Variants in SRGAP3 observed in about 807,000 individuals in gnomAD.
SRGAP3 encodes SLIT-ROBO Rho GTPase activating protein 3.
Under a neutral mutation model 121.1 loss-of-function variants are expected in SRGAP3, and 39 were observed. The ratio of observed to expected loss-of-function variants is 0.32; its 90% CI spans 0.25 to 0.42. The LOEUF is 0.42. Ranked by LOEUF, SRGAP3 falls within the 10% of genes least tolerant of loss-of-function variation. The pLI is 1.00. For missense variants in SRGAP3, 1,213 were observed against 1,470.6 expected, an observed-to-expected ratio of 0.82 and a Z score of 2.86; for synonymous variants, 601 against 570.0, an observed-to-expected ratio of 1.05 and a Z score of -0.77.
At chr3:9,081,216 C>A (rs1202022837) in intron 3 of SRGAP3, 2 of 456,552 alleles carry the variant, frequency 4.4e-6, no homozygotes, top group South Asian at 1.6e-5. Flanking sequence ...GCTCAGCCCT[C>A]CCCAGTGCTG....
Position 9,284,791 on chromosome 3 carries a change from C to A in SRGAP3, n.442+41219G>T, listed in dbSNP as rs1954738717. On this transcript the variant is annotated intron_variant and non_coding_transcript_variant, in intron 3 of 3. Transcript: ENST00000490889. The stretch of plus-strand genomic sequence containing the variant: ...GAGGCTGCAGTGAGCCAAGATCACA[C>A]CACTGCACTCCAGCCTGGGCAATAG... Among the ~76,000 whole-genome samples the A allele has an allele frequency of 2.7e-5, 4 of 150,156 alleles. 1 individual carries two copies. The East Asian group carries it at 5.8e-4, about 22-fold the overall frequency.
rs994416992 is a variant in SRGAP3 at position 9,249,078 on chromosome 3, T to C, written c.-127A>G. 1.5e-5 allele frequency: 14 copies of C among 912,358 alleles called. No individual in the cohort carries two copies. The highest frequency in any genetic ancestry group is 3.3e-5 in the African/African-American group (2 of 60,762). 56.5% of individuals were successfully genotyped at this position (912,358 alleles called of 1,614,324 possible). A position where few individuals can be genotyped will look rare whatever the true frequency, so the allele number is the denominator to read the frequency against. On this transcript the variant is annotated 5_prime_UTR_variant, in exon 1 of 22. Transcript: ENST00000383836. ...TTCACAGGTTTAGGGACTAATCTCT[T>C]TCACTTGGCTGCAGAGCAGGGAGAA...
chr3:9,089,727 G>C (rs1021924176), intron 3 of SRGAP3, among the ~76,000 whole-genome samples: 2 of 152,210 alleles, frequency 1.3e-5, no homozygotes, highest in African/African-American at 4.8e-5. Context: ...CAGAAGATGA[G>C]ATGTTGGTGG....
At chr3:9,234,042 G>A (rs1024621712) in intron 1 of SRGAP3, among the ~76,000 whole-genome samples, 3 of 152,136 alleles carry the variant, frequency 2.0e-5, no homozygotes, top group Non-Finnish European at 2.9e-5. Context: ...TGCCAAGTAC[G>A]AGATCCAGCA....
intron 18 of SRGAP3, chr3:9,008,172 T>G (rs939285243): frequency 2.6e-5 from 4 of 152,334 alleles, no homozygotes; most frequent in African/African-American, 9.7e-5. Flanking sequence ...CTGTGAACCT[T>G]TACCCTGAGA....
At chr3:9,135,573 C>T (rs1394995501) in intron 1 of SRGAP3, among the ~76,000 whole-genome samples, 1 of 152,176 alleles carries the variant, frequency 6.6e-6, no homozygotes, top group African/African-American at 2.4e-5. Context: ...TTGTCTCTGC[C>T]GGATCTGCAC....
At chr3:9,010,166 G>T in intron 18 of SRGAP3, 142 bp downstream of exon 18, 1 of 999,408 alleles carries the variant, frequency 1.0e-6, no homozygotes, top group Non-Finnish European at 1.5e-6. Context: ...GTTTTTCGGG[G>T]TCTTCGTCTA....
At chr3:9,018,911 T>C (rs1200685100) in intron 14 of SRGAP3, among the ~76,000 whole-genome samples, 1 of 152,210 alleles carries the variant, frequency 6.6e-6, no homozygotes, top group Non-Finnish European at 1.5e-5. Flanking sequence ...TGTGAGCAAA[T>C]ACATAGGCCT....
chr3:9,184,950 C>T (rs748944916), intron 1 of SRGAP3, among the ~76,000 whole-genome samples: 1 of 152,144 alleles, frequency 6.6e-6, no homozygotes, highest in Non-Finnish European at 1.5e-5. Context: ...GTTCCCAAGC[C>T]CTGGGCTGGC....
intron 1 of SRGAP3, among the ~76,000 whole-genome samples, chr3:9,331,332 C>T (rs1955602643): frequency 6.6e-6 from 1 of 152,178 alleles, no homozygotes. Context: ...TATTATTATT[C>T]CTACTTTAAA....
intron 3 of SRGAP3, among the ~76,000 whole-genome samples, chr3:9,307,682 G>C (rs1263674910): frequency 1.3e-5 from 2 of 152,234 alleles, no homozygotes; most frequent in African/African-American, 2.4e-5. Context: ...AGCCTACACA[G>C]ATGGCATCTT....
chr3:8,994,250 G>T, intron 19 of SRGAP3, 93 bp downstream of exon 19: 1 of 1,512,718 alleles, frequency 6.6e-7, no homozygotes. Context: ...AGAGCAAATT[G>T]CTGGCATACA....
chr3:9,073,398 G>A (rs576575189), intron 4 of SRGAP3, among the ~76,000 whole-genome samples: 2 of 152,224 alleles, frequency 1.3e-5, no homozygotes, highest in Non-Finnish European at 2.9e-5. Context: ...GCCTGACTTG[G>A]CCTCCCAAAG....
At chr3:9,138,999 T>G (rs922455318) in intron 1 of SRGAP3, among the ~76,000 whole-genome samples, 1 of 152,216 alleles carries the variant, frequency 6.6e-6, no homozygotes, top group East Asian at 1.9e-4. Flanking sequence ...GCCCAACCTC[T>G]TAATTCACAA....
At chr3:9,169,931 C>T (rs972596242) in intron 1 of SRGAP3, among the ~76,000 whole-genome samples, 1 of 152,166 alleles carries the variant, frequency 6.6e-6, no homozygotes, top group East Asian at 1.9e-4. Context: ...CCTCAGTTTC[C>T]TCTCCTGTAA....
At chr3:9,222,874 T>C (rs888368384) in intron 1 of SRGAP3, among the ~76,000 whole-genome samples, 2 of 152,226 alleles carry the variant, frequency 1.3e-5, no homozygotes, top group Admixed American at 1.3e-4. Context: ...AAGAGAATAA[T>C]GAAAAATAAA....
intron 1 of SRGAP3, among the ~76,000 whole-genome samples, chr3:9,352,914 CCT>C (rs1326186979): frequency 1.3e-5 from 2 of 152,182 alleles, no homozygotes; most frequent in Non-Finnish European, 2.9e-5. Context: ...GTTGTTGTTC[CCT>C]GAGTGTCCTG....
intron 11 of SRGAP3, chr3:9,035,482 A>T (rs1278661353): frequency 5.6e-6 from 1 of 179,856 alleles, no homozygotes; most frequent in East Asian, 9.1e-5. Flanking sequence ...TTTGCACAAT[A>T]TCAAATCTAT....
At chr3:9,146,484 A>G (rs1950026822) in intron 1 of SRGAP3, among the ~76,000 whole-genome samples, 1 of 152,226 alleles carries the variant, frequency 6.6e-6, no homozygotes, top group African/African-American at 2.4e-5. Flanking sequence ...AATTAATGAA[A>G]AGGAAGCCAG....
Sources: allele counts gnomAD v4.1 joint callset (sites outside exome capture counted in the v4.1 genomes callset), GRCh38; gene constraint gnomAD v4.1.1; transcripts MANE v1.5; gene names NCBI Gene and HGNC (gene_info 2026-07-23, HGNC 2026-07-21).